Variants in TRAPPC10 observed in about 807,000 individuals in gnomAD.
The protein encoded by TRAPPC10 is trafficking protein particle complex subunit 10.
Under a neutral mutation model 125.5 loss-of-function variants are expected in TRAPPC10, and 23 were observed. The ratio of observed to expected loss-of-function variants is 0.18; its 90% confidence interval spans 0.13 to 0.26. TRAPPC10 has a LOEUF of 0.26. Among genes scored for constraint, TRAPPC10 ranks in the 10% least tolerant of loss-of-function variants. The pLI is 1.00. For synonymous variants in TRAPPC10, 509 were observed against 518.0 expected (o/e 0.98, Z 0.24); for missense variants, 1,123 against 1,308.4 (o/e 0.86, Z 2.19).
chr21:44,061,686 T>G (rs2036070985), intron 6 of TRAPPC10, among the ~76,000 whole-genome samples: 1 of 152,208 alleles, frequency 6.6e-6, no homozygotes, highest in Non-Finnish European at 1.5e-5. Flanking sequence ...ATTAAAATAT[T>G]TACACTGAGC....
intron 1 of TRAPPC10, among the ~76,000 whole-genome samples, chr21:44,022,369 C>T (rs77799781): frequency 4.7e-5 from 7 of 150,328 alleles, no homozygotes; most frequent in Admixed American, 6.6e-5. Context: ...CTGCAACCTC[C>T]GCCTCCCAGG....
intron 8 of TRAPPC10, 138 bp downstream of exon 8, chr21:44,074,608 T>A: frequency 8.5e-7 from 1 of 1,172,782 alleles, no homozygotes; most frequent in Non-Finnish European, 1.2e-6. Context: ...CTAGAAGGTG[T>A]CTGGGTGCAG....
At chr21:44,039,694 G>A (rs967910775) in intron 3 of TRAPPC10, among the ~76,000 whole-genome samples, 6 of 152,134 alleles carry the variant, frequency 3.9e-5, no homozygotes, top group African/African-American at 7.2e-5. Flanking sequence ...GTGAAACCCC[G>A]TCTCTACTAA....
At chr21:44,060,901 TATAC>T (rs202218006) in intron 6 of TRAPPC10, among the ~76,000 whole-genome samples, 26 of 143,776 alleles carry the variant, frequency 1.8e-4, no homozygotes, top group South Asian at 4.4e-4. Context: ...ATGCCCAGCC[TATAC>T]ATACATACAT....
At chr21:44,043,722 G>T (rs977204550) in intron 3 of TRAPPC10, among the ~76,000 whole-genome samples, 1 of 152,102 alleles carries the variant, frequency 6.6e-6, no homozygotes, top group African/African-American at 2.4e-5. Flanking sequence ...ATCTGGGTGG[G>T]CCTCTGACTG....
intron 1 of TRAPPC10, among the ~76,000 whole-genome samples, chr21:44,031,612 G>A: frequency 6.6e-6 from 1 of 152,192 alleles, no homozygotes; most frequent in East Asian, 1.9e-4. Context: ...CCTGGCAGGT[G>A]CCTTGTGTAA....
intron 7 of TRAPPC10, among the ~76,000 whole-genome samples, chr21:44,065,854 CT>C (rs1490471593): frequency 6.6e-6 from 1 of 152,182 alleles, no homozygotes; most frequent in Non-Finnish European, 1.5e-5. Flanking sequence ...TCTTTCTCTC[CT>C]TTTTTCTAAA....
In TRAPPC10 at chr21:44,082,982, A is replaced by G; in HGVS notation, c.1918A>G (p.Lys640Glu). 1 of 1,614,016 alleles carries G rather than the reference A, an allele frequency of 6.2e-7. No individual in the cohort carries two copies. The highest frequency in any genetic ancestry group is 8.5e-7 in the Non-Finnish European group (1 of 1,180,006). Residue 640 changes from lysine (K) to glutamate (E), a missense_variant, in exon 14 of 23, where the codon AAG becomes GAG. Lys to Glu is a moderately conservative substitution (Grantham distance 56). Transcript: ENST00000291574. This position sits in a 1 kb window ranked among gnomAD's most constrained non-coding sequence, Gnocchi z 4.4. ...CAGCATTGAGAAAAACAGCTACCGG[A>G]AGACTGCGGAGTGGCTTACCAAGCA... ...HFSIEKNSYR[K>E]TAEWLTKHKT...
chr21:44,059,276 A>G lies in TRAPPC10; in HGVS notation c.790+62A>G. The stretch of plus-strand genomic sequence containing the variant: ...AGTGTGGCTTTCTCCAACTTCAGAT[A>G]GGCTTGAAGCAGCCATTTATTTACC... On this transcript the variant is annotated intron_variant, in intron 6 of 22. Coordinates refer to ENST00000291574, the MANE Select transcript of TRAPPC10 (RefSeq NM_003274.5). This position sits in a 1 kb window ranked among gnomAD's most constrained non-coding sequence, Gnocchi z 4.4. 7.9e-7 allele frequency: 1 copy of G among 1,263,574 alleles called. No individual in the cohort carries two copies. Among genetic ancestry groups the G allele is most frequent in the Non-Finnish European group, 1.1e-6 (1 of 897,034 alleles). 78.3% of individuals were successfully genotyped at this position (1,263,574 alleles called of 1,614,324 possible).
intron 6 of TRAPPC10, chr21:44,062,729 A>T: frequency 1.0e-6 from 1 of 985,340 alleles, no homozygotes; most frequent in South Asian, 4.7e-5. Context: ...CTGGGCTGGC[A>T]GGTCCACACC....
At chr21:44,050,939 C>T (rs916660482) in intron 3 of TRAPPC10, among the ~76,000 whole-genome samples, 1 of 152,200 alleles carries the variant, frequency 6.6e-6, no homozygotes, top group Non-Finnish European at 1.5e-5. Flanking sequence ...CAGTCTCGCT[C>T]TGTCGCCCAG....
intron 21 of TRAPPC10, among the ~76,000 whole-genome samples, chr21:44,101,149 C>T (rs888372411): frequency 1.4e-5 from 1 of 72,122 alleles, no homozygotes; most frequent in African/African-American, 3.0e-5. Context: ...AGCAAAACTC[C>T]GCCTCAACAA....
At chr21:44,052,017 C>G (rs984008432) in intron 3 of TRAPPC10, among the ~76,000 whole-genome samples, 2 of 152,230 alleles carry the variant, frequency 1.3e-5, no homozygotes, top group African/African-American at 4.8e-5. Flanking sequence ...GACTCTCAGT[C>G]TCTTTATCTG....
intron 7 of TRAPPC10, among the ~76,000 whole-genome samples, chr21:44,072,569 T>A (rs1455740255): frequency 6.6e-6 from 1 of 152,202 alleles, no homozygotes; most frequent in Admixed American, 6.5e-5. Flanking sequence ...GTTCAAATGA[T>A]TCTCCTGTCT....
rs372193300 is a variant in TRAPPC10, at chr21:44,082,979, C to T, written c.1915C>T (p.Arg639Trp). 3.9e-5 allele frequency: 63 copies of T among 1,613,866 alleles called. No individual in the cohort carries two copies. The highest frequency in any genetic ancestry group is 4.6e-5 in the Non-Finnish European group (54 of 1,180,012). Residue 639 changes from arginine (R) to tryptophan (W), a missense_variant, in exon 14 of 23, where the codon CGG becomes TGG. Around this residue, in one of 4 missense-constraint regions of TRAPPC10, gnomAD observed 840 missense variants for 902.0 expected, o/e 0.93. Transcript: ENST00000291574. The surrounding 1 kb of genome is among the most constrained non-coding windows in gnomAD (Gnocchi z 4.4). ...VHFSIEKNSY[R>W]KTAEWLTKHK... ...CTTCAGCATTGAGAAAAACAGCTAC[C>T]GGAAGACTGCGGAGTGGCTTACCAA...
chr21:44,012,501 C>A lies in TRAPPC10; in HGVS notation c.8C>A (p.Ala3Asp). 1 of 1,514,494 alleles carries A rather than the reference C, an allele frequency of 6.6e-7. No homozygotes were observed. Among genetic ancestry groups the A allele is most frequent in the Non-Finnish European group, 8.9e-7 (1 of 1,129,112 alleles). The allele number at this position is 1,514,494 out of a possible 1,614,324, so 93.8% of individuals were successfully genotyped here. A position where few individuals can be genotyped will look rare whatever the true frequency, so the allele number is the denominator to read the frequency against. Residue 3 changes from alanine (A) to aspartate (D), a missense_variant, in exon 1 of 23, where the codon GCC (alanine) becomes GAC (aspartate). This residue lies in a region of TRAPPC10 where 177 missense variants were observed against 228.9 expected (regional missense o/e 0.77). Coordinates refer to ENST00000291574, the MANE Select transcript of TRAPPC10 (RefSeq NM_003274.5). The stretch of plus-strand genomic sequence containing the variant: ...CGGTGACGCCGGACGCCCATGGACG[C>A]CTCTGAGGAGCCGCTGCCGCCGGTG... MD[A>D]SEEPLPPVIY...
At chr21:44,047,516 C>A (rs773363155) in intron 3 of TRAPPC10, among the ~76,000 whole-genome samples, 2 of 131,772 alleles carry the variant, frequency 1.5e-5, no homozygotes, top group Non-Finnish European at 3.0e-5. Flanking sequence ...TTCTGTTGCA[C>A]CCTCTCTGGG....
intron 7 of TRAPPC10, among the ~76,000 whole-genome samples, chr21:44,065,784 C>T (rs953638705): frequency 2.6e-5 from 4 of 152,250 alleles, no homozygotes; most frequent in African/African-American, 9.6e-5. Context: ...TTGATCAACA[C>T]TGAGATTCAC....
At chr21:44,079,174 G>T (rs1229360395) in intron 11 of TRAPPC10, among the ~76,000 whole-genome samples, 2 of 152,150 alleles carry the variant, frequency 1.3e-5, no homozygotes, top group African/African-American at 4.8e-5. Context: ...CTGACTAGCA[G>T]TGTACTTGTG....
Sources: allele counts gnomAD v4.1 joint callset (sites outside exome capture counted in the v4.1 genomes callset), GRCh38; gene constraint gnomAD v4.1.1; regional missense constraint gnomAD v4.1.1; non-coding constraint Gnocchi (gnomAD v3.1); transcripts MANE v1.5; gene names NCBI Gene and HGNC (gene_info 2026-07-23, HGNC 2026-07-21).